Variants in LRMDA observed in about 807,000 individuals in gnomAD.
LRMDA encodes the protein leucine-rich melanocyte differentiation-associated protein.
In LRMDA, 18 loss-of-function variants were observed where a neutral mutation model predicts 29.8. The ratio of observed to expected loss-of-function variants is 0.60; its 90% CI spans 0.42 to 0.90. The LOEUF is 0.90. Ranked by LOEUF, LRMDA falls within the 40% of genes least tolerant of loss-of-function variation. The pLI is 0.00. For missense variants in LRMDA, 273 were observed against 273.9 expected, an observed-to-expected ratio of 1.00 and a Z score of 0.02; for synonymous variants, 125 against 109.4, an observed-to-expected ratio of 1.14 and a Z score of -0.89.
chr10:75,990,568 C>T (rs1205596967), intron 2 of LRMDA, among the ~76,000 whole-genome samples: 8 of 152,150 alleles, frequency 5.3e-5, no homozygotes, highest in African/African-American at 9.7e-5. Context: ...TATAATGAAA[C>T]GGGCAGAGAA....
At chr10:76,272,640 T>C (rs911638120) in intron 5 of LRMDA, among the ~76,000 whole-genome samples, 2 of 152,276 alleles carry the variant, frequency 1.3e-5, no homozygotes, top group East Asian at 3.9e-4. Context: ...AGAATATACA[T>C]TGGAAAAGCT....
chr10:75,822,614 A>G (rs1179687289), intron 2 of LRMDA, among the ~76,000 whole-genome samples: 1 of 152,196 alleles, frequency 6.6e-6, no homozygotes, highest in African/African-American at 2.4e-5. Context: ...TAAAAATTAT[A>G]CTTGGAAAAA....
intron 2 of LRMDA, among the ~76,000 whole-genome samples, chr10:75,667,105 T>C (rs978756810): frequency 9.2e-5 from 14 of 152,188 alleles, no homozygotes; most frequent in African/African-American, 3.4e-4. Flanking sequence ...TGCTATAATA[T>C]TGAAATACAA....
chr10:76,325,065 A>G (rs1359706138), intron 6 of LRMDA, among the ~76,000 whole-genome samples: 3 of 152,360 alleles, frequency 2.0e-5, no homozygotes, highest in East Asian at 1.9e-4. Context: ...GAACACTGAC[A>G]TGAAATATCA....
chr10:75,795,979 TA>T (rs888529396), intron 2 of LRMDA, among the ~76,000 whole-genome samples: 17 of 152,172 alleles, frequency 1.1e-4, no homozygotes, highest in African/African-American at 3.9e-4. Context: ...TAAATTGAAT[TA>T]AAAAAATCAT....
chr10:76,223,570 G>A (rs201429656), intron 5 of LRMDA, among the ~76,000 whole-genome samples: 2 of 152,144 alleles, frequency 1.3e-5, no homozygotes, highest in South Asian at 2.1e-4. Flanking sequence ...AGTCATGAGG[G>A]TGGAGCCCTC....
intron 2 of LRMDA, among the ~76,000 whole-genome samples, chr10:75,866,164 T>A (rs550714514): frequency 2.0e-5 from 3 of 152,286 alleles, no homozygotes; most frequent in African/African-American, 7.2e-5. Context: ...CTGTGACTAG[T>A]CATATGGGCA....
At chr10:76,475,578 C>CA (rs745511686) in intron 6 of LRMDA, among the ~76,000 whole-genome samples, 8 of 152,176 alleles carry the variant, frequency 5.3e-5, no homozygotes, top group African/African-American at 1.7e-4. Context: ...CTCTCCACCC[C>CA]AAATCAACAG....
chr10:76,289,990 G>A (rs1008584348), intron 5 of LRMDA, among the ~76,000 whole-genome samples: 2 of 152,182 alleles, frequency 1.3e-5, no homozygotes, highest in Non-Finnish European at 2.9e-5. Flanking sequence ...CAAGGCTTCT[G>A]CATTTCTAGT....
intron 5 of LRMDA, among the ~76,000 whole-genome samples, chr10:76,296,455 G>A (rs1222731781): frequency 6.6e-6 from 1 of 152,102 alleles, no homozygotes; most frequent in Non-Finnish European, 1.5e-5. Flanking sequence ...CTACTCAAAG[G>A]GTTAACTTTG....
intron 2 of LRMDA, among the ~76,000 whole-genome samples, chr10:75,568,027 C>T (rs768060974): frequency 6.6e-6 from 1 of 152,148 alleles, no homozygotes; most frequent in African/African-American, 2.4e-5. Flanking sequence ...CCTAGGATAT[C>T]GTGTTCAATT....
At chr10:75,804,538 G>T (rs1352698853) in intron 2 of LRMDA, among the ~76,000 whole-genome samples, 3 of 152,200 alleles carry the variant, frequency 2.0e-5, no homozygotes, top group Non-Finnish European at 4.4e-5. Context: ...AATCTCTCTT[G>T]GCATCTTCTG....
Position 76,241,356 on chromosome 10 carries a change from A to G in LRMDA, c.517-83045A>G, listed in dbSNP as rs111874848. On this transcript the variant is annotated intron_variant, in intron 5 of 6. Coordinates refer to ENST00000611255, the MANE Select transcript of LRMDA (RefSeq NM_001305581.2). Reference sequence around the variant, plus strand: ...GGAGTCTTCCATTGTAAGGTTCCCAACCAACCTTTTACCTAATGTTTGAGC... The same window carrying G: ...GGAGTCTTCCATTGTAAGGTTCCCAGCCAACCTTTTACCTAATGTTTGAGC... Among the ~76,000 whole-genome samples, 822 of 152,312 alleles carry G rather than the reference A, an allele frequency of 5.4e-3. 5 individuals are homozygous for G. Among genetic ancestry groups the G allele is most frequent in the Non-Finnish European group, 9.5e-3 (649 of 68,026 alleles).
chr10:75,749,601 AAAAG>A (rs2132217173), intron 2 of LRMDA, among the ~76,000 whole-genome samples: 1 of 152,270 alleles, frequency 6.6e-6, no homozygotes, highest in African/African-American at 2.4e-5. Flanking sequence ...TTGGTTAAAA[AAAAG>A]CACCAGTCAA....
At chr10:76,248,909 T>C (rs1589393435) in intron 5 of LRMDA, among the ~76,000 whole-genome samples, 1 of 152,236 alleles carries the variant, frequency 6.6e-6, no homozygotes, top group African/African-American at 2.4e-5. Context: ...TATGAAATGC[T>C]AAATGCCTTT....
chr10:76,548,948 C>T (rs1379856730), intron 6 of LRMDA, among the ~76,000 whole-genome samples: 1 of 152,168 alleles, frequency 6.6e-6, no homozygotes, highest in Non-Finnish European at 1.5e-5. Context: ...GTCCAGGACC[C>T]AAGATGGGAG....
chr10:76,111,460 A>G (rs1466580070), intron 5 of LRMDA, among the ~76,000 whole-genome samples: 2 of 152,194 alleles, frequency 1.3e-5, no homozygotes, highest in African/African-American at 4.8e-5. Flanking sequence ...ACCACACCTA[A>G]ATGTTCAAGT....
intron 2 of LRMDA, among the ~76,000 whole-genome samples, chr10:75,483,990 T>C (rs1844882003): frequency 6.6e-6 from 1 of 152,008 alleles, no homozygotes; most frequent in African/African-American, 2.4e-5. Context: ...GGATCTCACT[T>C]TGTCACCCAA....
chr10:75,494,398 A>C (rs987852852), intron 2 of LRMDA, among the ~76,000 whole-genome samples: 1 of 152,094 alleles, frequency 6.6e-6, no homozygotes, highest in African/African-American at 2.4e-5. Flanking sequence ...AACTTCCTAA[A>C]GAGATGTTAT....
Sources: gnomAD v4.1 joint callset for allele counts (sites outside exome capture counted in the v4.1 genomes callset) on GRCh38, gnomAD v4.1.1 for gene constraint, MANE v1.5 for transcripts, NCBI Gene and HGNC (gene_info 2026-07-23, HGNC 2026-07-21) for gene names.